Variants in IQSEC3 observed in about 807,000 individuals in gnomAD.
IQSEC3 encodes IQ motif and SEC7 domain-containing protein 3.
In IQSEC3, 50 loss-of-function variants were observed where a neutral mutation model predicts 105.4. The ratio of observed to expected loss-of-function variants is 0.47; its 90% confidence interval spans 0.38 to 0.60. The LOEUF is 0.60. IQSEC3 is among the 20% of genes least tolerant of loss of function. IQSEC3 has a pLI of 0.00. For missense variants in IQSEC3, 1,415 were observed against 1,630.0 expected (o/e 0.87, Z 2.27); for synonymous variants, 708 against 746.0 (o/e 0.95, Z 0.83).
At chr12:165,358 C>T (rs1471349389) in intron 9 of IQSEC3, 76 bp from the exon 10 acceptor site, 1 of 1,082,376 alleles carries the variant, frequency 9.2e-7, no homozygotes, top group Non-Finnish European at 1.4e-6. Context: ...GATCGTGCAT[C>T]CCCCGGGTGT....
At chr12:126,828 T>C (rs1298069299) in intron 3 of IQSEC3, among the ~76,000 whole-genome samples, 2 of 152,228 alleles carry the variant, frequency 1.3e-5, no homozygotes, top group African/African-American at 2.4e-5. Flanking sequence ...AGGCAAGGTA[T>C]CTTCAGAAAG....
chr12:71,152 T>C (rs1452977381), intron 1 of IQSEC3, among the ~76,000 whole-genome samples: 1 of 152,292 alleles, frequency 6.6e-6, no homozygotes, highest in Non-Finnish European at 1.5e-5. Flanking sequence ...AGAAGAGTTC[T>C]GGATGTGCTT....
At chr12:166,001 C>CTTTTGAAGAG in intron 11 of IQSEC3, 111 bp downstream of exon 11, 3 of 1,250,204 alleles carry the variant, frequency 2.4e-6, no homozygotes, top group South Asian at 1.5e-5. Context: ...ACTTCGGACC[C>CTTTTGAAGAG]TCCCCGTGTC....
intron 1 of IQSEC3, among the ~76,000 whole-genome samples, chr12:81,851 G>A (rs1863757163): frequency 6.6e-6 from 1 of 152,178 alleles, no homozygotes; most frequent in Non-Finnish European, 1.5e-5. Flanking sequence ...GCACCCAGAG[G>A]GAGGAGAACA....
intron 12 of IQSEC3, 71 bp from the exon 13 acceptor site, chr12:171,041 G>A: frequency 1.9e-6 from 3 of 1,583,298 alleles, no homozygotes; most frequent in Non-Finnish European, 2.6e-6. Flanking sequence ...AGATGCTTGA[G>A]GGGCACAGGG....
rs781945966 is a variant in IQSEC3 at position 138,977 on chromosome 12, G to A, written c.1614G>A (p.Pro538=). 4.5e-5 allele frequency: 70 copies of A among 1,540,090 alleles called. No homozygotes were observed. Among genetic ancestry groups the A allele is most frequent in the Non-Finnish European group, 5.9e-5 (67 of 1,143,478 alleles). ...GCGAGACCTCTGGGCGGGAGGCCCC[G>A]GAAGCCCCCGCCGTGGGCCGGGAGG... is the stretch of plus-strand genomic sequence containing the variant. ...EQGETSGREA[P]EAPAVGREDA... is the part of the protein sequence containing the mutation. The change falls in exon 4 of 14, where the codon CCG becomes CCA. Residue 538 remains proline (P), a synonymous_variant. Coordinates refer to ENST00000538872, the MANE Select transcript of IQSEC3 (RefSeq NM_001170738.2). This position sits in a 1 kb window ranked among gnomAD's most constrained non-coding sequence, Gnocchi z 7.1.
intron 3 of IQSEC3, among the ~76,000 whole-genome samples, chr12:126,259 G>C (rs1384550580): frequency 6.6e-6 from 1 of 152,236 alleles, no homozygotes; most frequent in African/African-American, 2.4e-5. Flanking sequence ...CTGCTGCTTA[G>C]AGGCCATAGT....
Position 136,190 on chromosome 12 carries a change from C to A in IQSEC3, c.904-2077C>A, listed in dbSNP as rs78532771. Among the ~76,000 whole-genome samples, 582 of 152,250 alleles carry A rather than the reference C, an allele frequency of 3.8e-3. 5 individuals carry two copies. The highest frequency in any genetic ancestry group is 0.013 in the African/African-American group (557 of 41,538). On this transcript the variant is annotated intron_variant, in intron 3 of 13. Coordinates refer to ENST00000538872, the MANE Select transcript of IQSEC3 (RefSeq NM_001170738.2). The stretch of plus-strand genomic sequence containing the variant: ...TAGTTGCCATTTACACATTAATCTG[C>A]GTGAGTTCCAACGATCTCCAAGGGT...
intron 2 of IQSEC3, among the ~76,000 whole-genome samples, chr12:122,416 A>G (rs971720858): frequency 6.6e-6 from 1 of 152,198 alleles, no homozygotes; most frequent in South Asian, 2.1e-4. Context: ...GTGTGTGTAC[A>G]TGAGTATATG....
Position 177,244 on chromosome 12 carries a change from CCTG to C in IQSEC3, c.*2214_*2216del. 9.2e-6 allele frequency: 1 copy of C among 108,322 alleles called. No individual in the cohort carries two copies. The highest frequency in any genetic ancestry group is 2.9e-5 in the African/African-American group (1 of 34,474). 6.7% of individuals were successfully genotyped at this position (108,322 alleles called of 1,614,324 possible). ...ACCAAGGACAGGCAGAACCCCGTCCCCTGCTCACACAGCTCTTCAAGCTTACCA... is the reference window on the plus strand; with the variant it reads ...ACCAAGGACAGGCAGAACCCCGTCCCCTCACACAGCTCTTCAAGCTTACCA... On this transcript the variant is annotated 3_prime_UTR_variant, in exon 14 of 14. Coordinates refer to ENST00000538872, the MANE Select transcript of IQSEC3 (RefSeq NM_001170738.2). This position sits in a 1 kb window ranked among gnomAD's most constrained non-coding sequence, Gnocchi z 5.3.
At chr12:107,662 G>T (rs797028311) in intron 2 of IQSEC3, among the ~76,000 whole-genome samples, 9 of 151,732 alleles carry the variant, frequency 5.9e-5, no homozygotes, top group African/African-American at 1.5e-4. Context: ...CGCCCACCTC[G>T]GCCTCCCAAA....
At chr12:170,516 C>T (rs1938927252) in intron 12 of IQSEC3, among the ~76,000 whole-genome samples, 1 of 152,208 alleles carries the variant, frequency 6.6e-6, no homozygotes, top group African/African-American at 2.4e-5. Flanking sequence ...GGGGCTCCTG[C>T]GGGGGTCGGG....
chr12:158,746 C>A (rs576425945), intron 7 of IQSEC3, among the ~76,000 whole-genome samples: 1 of 152,314 alleles, frequency 6.6e-6, no homozygotes, highest in East Asian at 1.9e-4. Flanking sequence ...GCAACCTCCA[C>A]CTCCCAGGTT....
At chr12:90,524 A>G (rs1864050165) in intron 1 of IQSEC3, among the ~76,000 whole-genome samples, 1 of 152,168 alleles carries the variant, frequency 6.6e-6, no homozygotes, top group South Asian at 2.1e-4. Flanking sequence ...GCATGGATTG[A>G]AGTCTATTTT....
intron 1 of IQSEC3, among the ~76,000 whole-genome samples, chr12:81,854 G>A (rs1223988534): frequency 6.6e-6 from 1 of 152,210 alleles, no homozygotes; most frequent in Non-Finnish European, 1.5e-5. Context: ...CCCAGAGGGA[G>A]GAGAACAGCC....
Position 178,133 on chromosome 12 carries a change from A to G in IQSEC3, c.*3100A>G, listed in dbSNP as rs1184551901. 6.6e-6 allele frequency: 1 copy of G among 152,258 alleles called. No individual in the cohort carries two copies. Among genetic ancestry groups the G allele is most frequent in the Non-Finnish European group, 1.5e-5 (1 of 68,212 alleles). 9.4% of individuals were successfully genotyped at this position (152,258 alleles called of 1,614,324 possible). A position where few individuals can be genotyped will look rare whatever the true frequency, so the allele number is the denominator to read the frequency against. On this transcript the variant is annotated 3_prime_UTR_variant, in exon 14 of 14. Coordinates refer to ENST00000538872, the MANE Select transcript of IQSEC3 (RefSeq NM_001170738.2). Reference sequence around the variant, plus strand: ...CCTGCCTGCCTGCCTGCCCGTCTGCACAGGTGTCTTGATCCAGCCCTGCGT... The same window carrying G: ...CCTGCCTGCCTGCCTGCCCGTCTGCGCAGGTGTCTTGATCCAGCCCTGCGT...
chr12:85,453 C>T (rs782328075), intron 1 of IQSEC3, among the ~76,000 whole-genome samples: 3 of 152,250 alleles, frequency 2.0e-5, no homozygotes. Flanking sequence ...TGGGAGCCCT[C>T]TTGGCTCCCT....
intron 1 of IQSEC3, among the ~76,000 whole-genome samples, chr12:98,071 A>C (rs1485689188): frequency 3.9e-5 from 6 of 152,222 alleles, no homozygotes; most frequent in Non-Finnish European, 8.8e-5. Flanking sequence ...AGGAATTTTG[A>C]AAATCCCTTT....
chr12:171,252 A>C (rs782314066), intron 13 of IQSEC3, 91 bp downstream of exon 13: 1 of 1,613,690 alleles, frequency 6.2e-7, no homozygotes, highest in East Asian at 2.2e-5. Flanking sequence ...CTCAGGTATT[A>C]ATCAATGCCT....
Sources: gnomAD v4.1 joint callset for allele counts (sites outside exome capture counted in the v4.1 genomes callset) on GRCh38, gnomAD v4.1.1 for gene constraint, Gnocchi (gnomAD v3.1) non-coding constraint, MANE v1.5 for transcripts, NCBI Gene and HGNC (gene_info 2026-07-23, HGNC 2026-07-21) for gene names.